Variants in ACSBG2 observed in about 807,000 individuals in gnomAD.
ACSBG2 encodes the protein long-chain-fatty-acid--CoA ligase ACSBG2.
ACSBG2 carries 62 observed loss-of-function variants against 74.7 expected under a neutral mutation model. That is an observed-to-expected ratio of 0.83 (90% CI 0.68 to 1.03). The LOEUF is 1.03. ACSBG2 is among the 50% of genes least tolerant of loss of function. The pLI is 0.00. For synonymous variants in ACSBG2, 309 were observed against 294.1 expected (o/e 1.05, Z -0.52); for missense variants, 730 against 817.6 (o/e 0.89, Z 1.31).
At chr19:6,182,569 C>G (rs1412076510) in intron 8 of ACSBG2, among the ~76,000 whole-genome samples, 182 bp from the exon 9 acceptor site, 2 of 152,160 alleles carry the variant, frequency 1.3e-5, no homozygotes, top group African/African-American at 4.8e-5. Context: ...AATCCCTAGA[C>G]AGAGTGCAAA....
chr19:6,160,417 AG>A (rs2089569336), intron 5 of ACSBG2: 1 of 152,098 alleles, frequency 6.6e-6, no homozygotes, highest in African/African-American at 2.4e-5. Context: ...AAGAAAGAAA[AG>A]AAAAAAGAAT....
In ACSBG2 at chr19:6,186,235, T is replaced by C. The variant is rs540865778; in HGVS notation, c.1540+582T>C. On this transcript the variant is annotated intron_variant, in intron 11 of 14. Coordinates refer to ENST00000588485, the MANE Select transcript of ACSBG2 (RefSeq NM_030924.5). ...GAAGAGGGCCCTTTAGTAAATATTT[T>C]TGGGTTCACAAAACATGTGTCTCTG... Among the ~76,000 whole-genome samples the C allele has an allele frequency of 2.1e-4, 32 of 152,280 alleles. 1 individual carries two copies. The South Asian group carries it at 6.4e-3, about 31-fold the overall frequency.
At chr19:6,155,662 T>G (rs914830739) in intron 4 of ACSBG2, among the ~76,000 whole-genome samples, 5 of 151,744 alleles carry the variant, frequency 3.3e-5, no homozygotes, top group African/African-American at 1.2e-4. Context: ...TGGTGGTGCA[T>G]ACCTGTAATC....
intron 11 of ACSBG2, among the ~76,000 whole-genome samples, chr19:6,186,864 C>T (rs1023531691): frequency 6.6e-6 from 1 of 152,164 alleles, no homozygotes; most frequent in Non-Finnish European, 1.5e-5. Flanking sequence ...GCCACCACAC[C>T]CGGCTATTTT....
chr19:6,165,923 A>T lies in ACSBG2; in HGVS notation c.646A>T (p.Ile216Phe). 1 of 1,614,200 alleles carries T rather than the reference A, an allele frequency of 6.2e-7. No individual in the cohort carries two copies. The highest frequency in any genetic ancestry group is 1.3e-5 in the African/African-American group (1 of 75,060). ...CCCTGACACCCAACTGGAGCAGGTC[A>T]TCGAGAGCCAGAAGGCGAATCAATG... ...SIPDTQLEQV[I>F]ESQKANQCAV... The change falls in exon 7 of 15, where the codon ATC becomes TTC. Residue 216 changes from isoleucine (I) to phenylalanine (F), a missense_variant. By Grantham distance (21) the Ile-to-Phe change is conservative (BLOSUM62 0). Coordinates refer to ENST00000588485, the MANE Select transcript of ACSBG2 (RefSeq NM_030924.5).
intron 2 of ACSBG2, among the ~76,000 whole-genome samples, chr19:6,145,553 G>T (rs10409209): frequency 0.7 from 106,908 of 151,882 alleles, 37,894 homozygotes; most frequent in Admixed American, 0.74. Flanking sequence ...TTGAACAAAC[G>T]CAAGGTTACA....
intron 6 of ACSBG2, chr19:6,161,520 T>G: frequency 2.2e-6 from 1 of 458,236 alleles, no homozygotes. Flanking sequence ...GGACGTGAAA[T>G]GTGAGCAGAG....
At position 6,166,007 on chromosome 19, in the gene ACSBG2, C is replaced by A. The variant is rs749529664; in HGVS notation, c.730C>A (p.His244Asn). ...CATACCCAAGGGAGTGATGCTCAGT[C>A]ATGACAACGTACGCCAAAGTCCCTT... Reference protein sequence around the residue: ...TGIPKGVMLSHDNITWIAGAV... With the variant: ...TGIPKGVMLSNDNITWIAGAV... The change falls in exon 7 of 15, where the codon CAT (histidine) becomes AAT (asparagine). Residue 244 changes from histidine (H) to asparagine (N), a missense_variant. Transcript: ENST00000588485. 1.2e-6 allele frequency: 2 copies of A among 1,613,916 alleles called. No individual in the cohort carries two copies. The highest frequency in any genetic ancestry group is 2.2e-5 in the South Asian group (2 of 91,034).
intron 1 of ACSBG2, among the ~76,000 whole-genome samples, chr19:6,136,691 A>C (rs1458070383): frequency 2.0e-5 from 3 of 152,180 alleles, no homozygotes; most frequent in Non-Finnish European, 4.4e-5. Context: ...ATTGTGAAAC[A>C]TATAATGCAT....
intron 7 of ACSBG2, chr19:6,175,736 T>C (rs2090073113): frequency 6.6e-6 from 1 of 152,094 alleles, no homozygotes; most frequent in Admixed American, 6.5e-5. Context: ...AGTGACAAAA[T>C]TATAGGTACA....
intron 5 of ACSBG2, among the ~76,000 whole-genome samples, chr19:6,159,548 G>A (rs1568231228): frequency 6.6e-6 from 1 of 152,182 alleles, no homozygotes; most frequent in African/African-American, 2.4e-5. Flanking sequence ...TTCATTGAAG[G>A]TGAAGTCTGT....
In ACSBG2 at chr19:6,185,459, G is replaced by C. The variant is rs754945858; in HGVS notation, c.1346G>C (p.Cys449Ser). 5.6e-6 allele frequency: 9 copies of C among 1,614,068 alleles called. No homozygotes were observed. Among genetic ancestry groups the C allele is most frequent in the Non-Finnish European group, 6.8e-6 (8 of 1,180,046 alleles). ...AGCTGTGGCAAGATCTTGACTGGGT[G>C]TAAGAATATGCTGTTCCAGCAGAAC... The part of the protein sequence containing the change: ...LLSCGKILTG[C>S]KNMLFQQNKD... Residue 449 changes from cysteine (C) to serine (S), a missense_variant, in exon 11 of 15, where the codon TGT becomes TCT. Physicochemically the swap from Cys to Ser is moderately radical, Grantham distance 112 (BLOSUM62 -1). Transcript: ENST00000588485.
At position 6,183,152 on chromosome 19, in the gene ACSBG2, T is replaced by G; in HGVS notation, c.1202T>G (p.Leu401Arg). ...TCTTTTATCAGTGGGACTGCGCCCC[T>G]CAACCAAGAGACTGCCGAGTTCTTT... ...CHSFISGTAP[L>R]NQETAEFFLS... Residue 401 changes from leucine (L) to arginine (R), a missense_variant, in exon 10 of 15, where the codon CTC (leucine) becomes CGC (arginine). By Grantham distance (102) the Leu-to-Arg change is moderately radical (BLOSUM62 -2). Coordinates refer to ENST00000588485, the MANE Select transcript of ACSBG2 (RefSeq NM_030924.5). 1.2e-6 allele frequency: 2 copies of G among 1,614,238 alleles called. No individual in the cohort carries two copies. Among genetic ancestry groups the G allele is most frequent in the Non-Finnish European group, 1.7e-6 (2 of 1,180,040 alleles).
chr19:6,167,956 T>TCCCACCCAACTCCCACCCTCACC (rs2089854956), intron 7 of ACSBG2, among the ~76,000 whole-genome samples: 3 of 110,624 alleles, frequency 2.7e-5, no homozygotes, highest in African/African-American at 1.2e-4. Flanking sequence ...GTTACCCGCC[T>TCCCACCCAACTCCCACCCTCACC]CCCACCCAAC....
At chr19:6,140,959 G>A (rs769517138) in intron 1 of ACSBG2, among the ~76,000 whole-genome samples, 9 of 152,062 alleles carry the variant, frequency 5.9e-5, no homozygotes, top group Non-Finnish European at 1.2e-4. Flanking sequence ...ATTGGGTTTT[G>A]GTCTTTTTCT....
chr19:6,186,707 G>A (rs796516099), intron 11 of ACSBG2, among the ~76,000 whole-genome samples: 2 of 152,254 alleles, frequency 1.3e-5, no homozygotes, highest in African/African-American at 4.8e-5. Context: ...CTCTGTGCTG[G>A]TACTATTTTA....
At chr19:6,147,884 A>T (rs2089095710) in intron 3 of ACSBG2, among the ~76,000 whole-genome samples, 1 of 152,200 alleles carries the variant, frequency 6.6e-6, no homozygotes, top group Admixed American at 6.5e-5. Flanking sequence ...CCTTTTGGGA[A>T]ATAAATTATG....
At chr19:6,187,459 C>T in intron 12 of ACSBG2, 37 bp downstream of exon 12, 3 of 1,611,436 alleles carry the variant, frequency 1.9e-6, no homozygotes, top group Non-Finnish European at 2.5e-6. Flanking sequence ...GAAGTCTCTG[C>T]AGCCGGTCTT....
chr19:6,161,378 C>T lies in ACSBG2; in HGVS notation c.588+83C>T. 11 of 1,357,226 alleles carry T rather than the reference C, an allele frequency of 8.1e-6. No homozygotes were observed. In the South Asian group the frequency reaches 1.1e-4, roughly 13 times the overall value. The allele number at this position is 1,357,226 out of a possible 1,614,324, so 84.1% of individuals were successfully genotyped here. The stretch of plus-strand genomic sequence containing the variant: ...GGGCGTGGCCTAAGTGGAAGGTGAG[C>T]AGAGGGAGGAGGTCGGACCTGGCAA... On this transcript the variant is annotated intron_variant, in intron 6 of 14. Transcript: ENST00000588485.
Sources: allele counts gnomAD v4.1 joint callset (sites outside exome capture counted in the v4.1 genomes callset), GRCh38; gene constraint gnomAD v4.1.1; transcripts MANE v1.5; gene names NCBI Gene and HGNC (gene_info 2026-07-23, HGNC 2026-07-21).